Variants in ACTN1 observed in about 807,000 individuals in gnomAD.
ACTN1 encodes the protein alpha-actinin-1.
In ACTN1, 30 loss-of-function variants were observed where a neutral mutation model predicts 119.6. The ratio of observed to expected loss-of-function variants is 0.25; its 90% CI spans 0.19 to 0.34. The LOEUF (loss-of-function observed/expected upper bound fraction) is 0.34. ACTN1 is among the 10% of genes least tolerant of loss of function. The pLI is 1.00. For missense variants in ACTN1, 764 were observed against 1,223.4 expected (o/e 0.62, Z 5.60); for synonymous variants, 429 against 472.6 (o/e 0.91, Z 1.20).
chr14:68,886,923 G>C (rs2032064498), intron 11 of ACTN1: 1 of 153,124 alleles, frequency 6.5e-6, no homozygotes, highest in Non-Finnish European at 1.5e-5. Context: ...GTGAGTTGCT[G>C]GGCCCTCAGC....
At chr14:68,961,037 G>A (rs748585177) in intron 1 of ACTN1, among the ~76,000 whole-genome samples, 3 of 152,146 alleles carry the variant, frequency 2.0e-5, no homozygotes, top group Admixed American at 6.5e-5. Context: ...ACCACTGCAC[G>A]CCAGCCTGGG....
chr14:68,892,002 A>C, intron 10 of ACTN1, 51 bp downstream of exon 10: 1 of 1,598,502 alleles, frequency 6.3e-7, no homozygotes, highest in Non-Finnish European at 8.5e-7. Flanking sequence ...GGAGCAGCTC[A>C]GAGGTGGAGG....
intron 8 of ACTN1, among the ~76,000 whole-genome samples, chr14:68,899,150 C>T (rs2033110620): frequency 6.8e-6 from 1 of 146,080 alleles, no homozygotes; most frequent in South Asian, 2.3e-4. Context: ...TCACCCTACA[C>T]CTCACACCAC....
At chr14:68,905,174 A>G (rs1020224842) in intron 6 of ACTN1, among the ~76,000 whole-genome samples, 15 of 152,182 alleles carry the variant, frequency 9.9e-5, no homozygotes, top group Admixed American at 1.3e-4. Context: ...TCTAAACTCT[A>G]GACTAGTCAA....
chr14:68,976,823 C>T (rs1377969592), intron 1 of ACTN1, among the ~76,000 whole-genome samples: 2 of 152,216 alleles, frequency 1.3e-5, no homozygotes, highest in Admixed American at 1.3e-4. Context: ...TCAGCAAATG[C>T]CAGTTCTTGG....
At chr14:68,886,375 T>C (rs1282023553) in intron 11 of ACTN1, 2 of 152,240 alleles carry the variant, frequency 1.3e-5, no homozygotes, top group South Asian at 2.1e-4. Flanking sequence ...TAAAACAGAA[T>C]GGTAATATAT....
At chr14:68,913,192 A>G (rs536503386) in intron 3 of ACTN1, among the ~76,000 whole-genome samples, 6 of 152,248 alleles carry the variant, frequency 3.9e-5, no homozygotes, top group Admixed American at 3.9e-4. Flanking sequence ...TTTTTTCTGT[A>G]CCAGGCCTAA....
chr14:68,933,161 T>A (rs1393099633), intron 1 of ACTN1, among the ~76,000 whole-genome samples: 1 of 151,772 alleles, frequency 6.6e-6, no homozygotes, highest in African/African-American at 2.4e-5. Flanking sequence ...TTGCGATGTA[T>A]CTCGCTCTGT....
In ACTN1 at chr14:68,912,325, T is replaced by C. The variant is rs569981213; in HGVS notation, c.341-83A>G. 17 of 1,052,648 alleles carry C rather than the reference T, an allele frequency of 1.6e-5. No individual in the cohort carries two copies. The South Asian group carries it at 1.9e-4, about 12-fold the overall frequency. 65.2% of individuals were successfully genotyped at this position (1,052,648 alleles called of 1,614,324 possible). A position where few individuals can be genotyped will look rare whatever the true frequency, so the allele number is the denominator to read the frequency against. On this transcript the variant is annotated intron_variant, in intron 3 of 21. Coordinates refer to ENST00000394419, the MANE Select transcript of ACTN1 (RefSeq NM_001130004.2). ...CTCCCTCAGCACCCACAGCACTCCA[T>C]GCCCCACGCTAGGAATCAAAAGACT...
intron 7 of ACTN1, among the ~76,000 whole-genome samples, chr14:68,903,208 A>G (rs1480572563): frequency 6.6e-6 from 1 of 152,232 alleles, no homozygotes; most frequent in African/African-American, 2.4e-5. Flanking sequence ...AGGAAAGGTC[A>G]TCGTGCTATT....
At chr14:68,901,789 G>C (rs962243509) in intron 8 of ACTN1, among the ~76,000 whole-genome samples, 25 of 152,230 alleles carry the variant, frequency 1.6e-4, no homozygotes, top group African/African-American at 6.0e-4. Flanking sequence ...GAACCTGCAC[G>C]ACTGAACTTT....
intron 20 of ACTN1, 154 bp from the exon 21 acceptor site, chr14:68,877,394 G>A (rs956602647): frequency 8.2e-6 from 7 of 858,658 alleles, no homozygotes; most frequent in Non-Finnish European, 1.2e-5. Context: ...GGGTATGATG[G>A]GGACACAACA....
chr14:68,931,440 T>C (rs2035217449), intron 1 of ACTN1, among the ~76,000 whole-genome samples: 1 of 152,198 alleles, frequency 6.6e-6, no homozygotes, highest in Non-Finnish European at 1.5e-5. Flanking sequence ...TGGGGCTCTA[T>C]GACCAGGAGG....
intron 1 of ACTN1, among the ~76,000 whole-genome samples, chr14:68,966,104 C>T (rs1389825789): frequency 1.3e-5 from 2 of 152,058 alleles, no homozygotes; most frequent in Admixed American, 1.3e-4. Context: ...GTGGGCCCAC[C>T]TACTTGGGAA....
intron 1 of ACTN1, among the ~76,000 whole-genome samples, chr14:68,972,786 T>C (rs1361610732): frequency 6.6e-6 from 1 of 152,196 alleles, no homozygotes; most frequent in Non-Finnish European, 1.5e-5. Context: ...CTGGAGGAGT[T>C]CCGCAGCTGC....
At chr14:68,934,194 C>A (rs775207721) in intron 1 of ACTN1, among the ~76,000 whole-genome samples, 14 of 152,342 alleles carry the variant, frequency 9.2e-5, no homozygotes, top group Non-Finnish European at 1.9e-4. Context: ...GTATGACATG[C>A]TAAAACAAGC....
Position 68,874,980 on chromosome 14 carries a change from G to A in ACTN1, c.2624C>T (p.Pro875Leu), listed in dbSNP as rs772449856. Residue 875 changes from proline to leucine, a missense_variant, in exon 22 of 22, where the codon CCA (proline) becomes CTA (leucine). This residue lies in a region of ACTN1 where 102 missense variants were observed against 78.2 expected (regional missense o/e 1.30). Coordinates refer to ENST00000394419, the MANE Select transcript of ACTN1 (RefSeq NM_001130004.2). ...GATGCAGTACTCAGCCTGGTCGGGT[G>A]GCAGCTCGCGGCGCAGCTCGTCCAT... Reference protein sequence around the residue: ...ITMDELRRELPPDQAEYCIAR... With the variant: ...ITMDELRRELLPDQAEYCIAR... The A allele has an allele frequency of 6.8e-6, 11 of 1,613,644 alleles. No individual in the cohort carries two copies. Among genetic ancestry groups the A allele is most frequent in the Admixed American group, 3.3e-5 (2 of 60,008 alleles).
chr14:68,949,451 T>C (rs1313291452), intron 1 of ACTN1, among the ~76,000 whole-genome samples: 1 of 152,168 alleles, frequency 6.6e-6, no homozygotes, highest in African/African-American at 2.4e-5. Context: ...CCCTAGCCTC[T>C]GCAGACAGCT....
chr14:68,938,921 G>C (rs2035658467), intron 1 of ACTN1, among the ~76,000 whole-genome samples: 1 of 152,156 alleles, frequency 6.6e-6, no homozygotes, highest in Non-Finnish European at 1.5e-5. Flanking sequence ...GGGGGGAGTG[G>C]AGCCTGCATT....
Sources: gnomAD v4.1 joint callset for allele counts (sites outside exome capture counted in the v4.1 genomes callset) on GRCh38, gnomAD v4.1.1 for gene constraint, gnomAD v4.1.1 regional missense constraint, MANE v1.5 for transcripts, NCBI Gene and HGNC (gene_info 2026-07-23, HGNC 2026-07-21) for gene names.